The following CACNA2D1 variants were observed in gnomAD, a reference collection of about 807,000 sequenced individuals.
CACNA2D1 encodes the protein voltage-dependent calcium channel subunit alpha-2/delta-1.
CACNA2D1 carries 53 observed loss-of-function variants against 171.5 expected under a neutral mutation model. That is an observed-to-expected ratio of 0.31 (90% CI 0.25 to 0.39). CACNA2D1 has a LOEUF of 0.39. Among genes scored for constraint, CACNA2D1 ranks in the 10% least tolerant of loss-of-function variants. CACNA2D1 has a pLI of 1.00. For synonymous variants in CACNA2D1, 442 were observed against 443.1 expected, an observed-to-expected ratio of 1.00 and a Z score of 0.03; for missense variants, 903 against 1,299.8, an observed-to-expected ratio of 0.69 and a Z score of 4.69.
At chr7:82,087,110 G>C (rs1362283683) in intron 6 of CACNA2D1, among the ~76,000 whole-genome samples, 2 of 152,154 alleles carry the variant, frequency 1.3e-5, no homozygotes, top group Non-Finnish European at 2.9e-5. Context: ...GACTCAGAAT[G>C]AAAGTATTGG....
intron 4 of CACNA2D1, among the ~76,000 whole-genome samples, chr7:82,150,273 AAACAAC>A (rs1202441195): frequency 3.3e-5 from 3 of 90,742 alleles, no homozygotes; most frequent in Admixed American, 9.8e-5. Flanking sequence ...AAAAAAACAA[AAACAAC>A]AACAAAAAAA....
chr7:82,184,450 G>A (rs185914894), intron 3 of CACNA2D1, among the ~76,000 whole-genome samples: 2 of 151,846 alleles, frequency 1.3e-5, no homozygotes, highest in Non-Finnish European at 2.9e-5. Context: ...AAAATATTCA[G>A]TAGCTCTTTA....
At chr7:82,394,774 G>A (rs2129451090) in intron 1 of CACNA2D1, among the ~76,000 whole-genome samples, 1 of 152,236 alleles carries the variant, frequency 6.6e-6, no homozygotes, top group Non-Finnish European at 1.5e-5. Context: ...AGAAGTGAAG[G>A]AGAACAGAAG....
intron 3 of CACNA2D1, among the ~76,000 whole-genome samples, chr7:82,302,940 G>T (rs528320544): frequency 6.6e-6 from 1 of 152,240 alleles, no homozygotes; most frequent in East Asian, 1.9e-4. Context: ...AACATAGGAG[G>T]CATGATGATA....
At position 82,217,394 on chromosome 7, in the gene CACNA2D1, CATATATATATATATAT is replaced by C. The variant is rs6150191; in HGVS notation, c.295-46801_295-46786del. ...ACACACATATACACACACACACATA[CATATATATATATATAT>C]ATATATATATATATATCAGGAAAAC... On this transcript the variant is annotated intron_variant, in intron 3 of 38. Transcript: ENST00000356860. 2.4e-3 allele frequency among the ~76,000 whole-genome samples: 250 copies of C among 102,566 alleles called. 13 individuals are homozygous for C. The highest frequency in any genetic ancestry group is 0.012 in the African/African-American group (210 of 18,164). The allele number at this position is 102,566 out of a possible 152,430, so 67.3% of individuals were successfully genotyped here. A position where few individuals can be genotyped will look rare whatever the true frequency, so the allele number is the denominator to read the frequency against.
At chr7:82,046,927 A>T (rs1804623543) in intron 10 of CACNA2D1, among the ~76,000 whole-genome samples, 2 of 152,162 alleles carry the variant, frequency 1.3e-5, no homozygotes, top group South Asian at 4.1e-4. Context: ...CCCAATTACC[A>T]TTTTTAATAT....
At chr7:82,166,402 C>A (rs1213440202) in intron 4 of CACNA2D1, among the ~76,000 whole-genome samples, 1 of 151,982 alleles carries the variant, frequency 6.6e-6, no homozygotes, top group African/African-American at 2.4e-5. Flanking sequence ...CAGTAACAAG[C>A]TGGTGCTAAT....
rs74927956 is a variant in CACNA2D1 at position 82,383,141 on chromosome 7, T to C, written c.96-33492A>G. ...ACATTTGCCGTTTAGAACACAGCCT[T>C]GAACAAGAAAAACAGATCATAAGTC... On this transcript the variant is annotated intron_variant, in intron 1 of 38. Transcript: ENST00000356860. Among the ~76,000 whole-genome samples the C allele has an allele frequency of 5.3e-4, 80 of 152,302 alleles. No individual in the cohort carries two copies. In the East Asian group the frequency reaches 0.011, roughly 21 times the overall value.
At chr7:82,016,217 T>A (rs1800423128) in intron 12 of CACNA2D1, among the ~76,000 whole-genome samples, 1 of 152,160 alleles carries the variant, frequency 6.6e-6, no homozygotes, top group South Asian at 2.1e-4. Flanking sequence ...GGAAATATTT[T>A]TATAAGCAGG....
At chr7:82,181,958 T>A (rs913235252) in intron 3 of CACNA2D1, among the ~76,000 whole-genome samples, 3 of 152,218 alleles carry the variant, frequency 2.0e-5, no homozygotes, top group Non-Finnish European at 2.9e-5. Flanking sequence ...AAATCCTCAA[T>A]AAAATGTCCT....
At chr7:82,298,788 C>A (rs575069298) in intron 3 of CACNA2D1, among the ~76,000 whole-genome samples, 1 of 152,204 alleles carries the variant, frequency 6.6e-6, no homozygotes, top group South Asian at 2.1e-4. Flanking sequence ...ATAGGCCGGG[C>A]ACAGTGGCTC....
intron 3 of CACNA2D1, among the ~76,000 whole-genome samples, chr7:82,273,403 T>C (rs562827229): frequency 2.0e-5 from 3 of 151,808 alleles, no homozygotes; most frequent in African/African-American, 7.2e-5. Flanking sequence ...GGCATATACA[T>C]ACGATGTTGC....
chr7:81,980,834 A>T (rs1796370582), intron 24 of CACNA2D1, among the ~76,000 whole-genome samples: 1 of 152,136 alleles, frequency 6.6e-6, no homozygotes, highest in Non-Finnish European at 1.5e-5. Context: ...AAGGAAGCAG[A>T]GAAGGACAAC....
intron 19 of CACNA2D1, among the ~76,000 whole-genome samples, chr7:81,995,273 T>C (rs1443057595): frequency 6.6e-6 from 1 of 152,216 alleles, no homozygotes; most frequent in Non-Finnish European, 1.5e-5. Flanking sequence ...CATAGAAATG[T>C]ATATGTACAG....
chr7:82,147,337 TA>T (rs1413028272), intron 4 of CACNA2D1, among the ~76,000 whole-genome samples: 1 of 152,120 alleles, frequency 6.6e-6, no homozygotes, highest in Admixed American at 6.5e-5. Context: ...TATCAATAAA[TA>T]TATGATTTAA....
At chr7:82,168,297 C>A (rs1795673818) in intron 4 of CACNA2D1, among the ~76,000 whole-genome samples, 1 of 152,060 alleles carries the variant, frequency 6.6e-6, no homozygotes, top group African/African-American at 2.4e-5. Context: ...GCATGCACCA[C>A]CACGCACAGC....
intron 3 of CACNA2D1, among the ~76,000 whole-genome samples, chr7:82,258,180 C>A (rs2129326933): frequency 6.6e-6 from 1 of 152,202 alleles, no homozygotes; most frequent in Admixed American, 6.5e-5. Context: ...CACTCTTACG[C>A]CTAAAGTAAA....
chr7:82,303,025 C>G (rs915069508), intron 3 of CACNA2D1, among the ~76,000 whole-genome samples: 7 of 151,800 alleles, frequency 4.6e-5, no homozygotes, highest in African/African-American at 1.5e-4. Context: ...ACAGAGTCTC[C>G]CTCTGTCGCC....
At chr7:82,159,582 T>C (rs958130267) in intron 4 of CACNA2D1, among the ~76,000 whole-genome samples, 2 of 151,668 alleles carry the variant, frequency 1.3e-5, no homozygotes, top group African/African-American at 4.8e-5. Context: ...TCAGATAAAT[T>C]ACAGATCTGT....
Sources: gnomAD v4.1 joint callset for allele counts (sites outside exome capture counted in the v4.1 genomes callset) on GRCh38, gnomAD v4.1.1 for gene constraint, MANE v1.5 for transcripts, NCBI Gene and HGNC (gene_info 2026-07-23, HGNC 2026-07-21) for gene names.